THSD7B: variants seen among roughly 807,000 people sequenced by gnomAD.
THSD7B encodes the protein thrombospondin type 1 domain containing 7B, also known as thrombospondin type-1 domain-containing protein 7B.
Under a neutral mutation model 213.6 loss-of-function variants are expected in THSD7B, and 138 were observed. That is an observed-to-expected ratio of 0.65 (90% CI 0.56 to 0.74). THSD7B has a LOEUF of 0.74. Ranked by LOEUF, THSD7B falls within the 30% of genes least tolerant of loss-of-function variation. The pLI, the probability that THSD7B is intolerant of heterozygous loss-of-function variation, is 0.00. For missense variants in THSD7B, 1,931 were observed against 1,991.5 expected, an observed-to-expected ratio of 0.97 and a Z score of 0.58; for synonymous variants, 742 against 687.0, an observed-to-expected ratio of 1.08 and a Z score of -1.25.
intron 26 of THSD7B, among the ~76,000 whole-genome samples, chr2:137,663,782 C>CGTAA (rs539520229): frequency 1.4e-3 from 217 of 152,308 alleles, no homozygotes; most frequent in African/African-American, 5.1e-3. Context: ...AATGGTTGAA[C>CGTAA]GTAAGTCTCT....
chr2:137,551,234 CTCT>C (rs1558836066), intron 15 of THSD7B, among the ~76,000 whole-genome samples: 1 of 151,982 alleles, frequency 6.6e-6, no homozygotes, highest in Non-Finnish European at 1.5e-5. Flanking sequence ...TAAATTTCTT[CTCT>C]TCTTTATATG....
intron 1 of THSD7B, among the ~76,000 whole-genome samples, chr2:136,827,355 T>C (rs1361576916): frequency 6.6e-6 from 1 of 152,178 alleles, no homozygotes; most frequent in Admixed American, 6.5e-5. Flanking sequence ...TCCTGAGCTG[T>C]TAGGATATAC....
chr2:137,226,236 C>T (rs1681501221), intron 7 of THSD7B, among the ~76,000 whole-genome samples: 1 of 151,516 alleles, frequency 6.6e-6, no homozygotes, highest in South Asian at 2.1e-4. Flanking sequence ...AATAAAGTAC[C>T]CAGTATGCAT....
In THSD7B at chr2:137,160,271, C is replaced by T; in HGVS notation, c.1428C>T (p.Leu476=). 6.2e-7 allele frequency: 1 copy of T among 1,613,750 alleles called. No individual in the cohort carries two copies. The highest frequency in any genetic ancestry group is 8.5e-7 in the Non-Finnish European group (1 of 1,179,736). The part of the protein sequence containing the change: ...CVGPAPLPSQ[L]CNIPCSTDCI... ...GACCCGCCCCGTTGCCCTCTCAGCT[C>T]TGCAATATCCCTTGCTCTACGGACT... Residue 476 remains leucine (L), a synonymous_variant, in exon 6 of 28, where the codon CTC becomes CTT. Coordinates refer to ENST00000409968, the MANE Select transcript of THSD7B (RefSeq NM_001316349.2).
At chr2:137,401,826 A>AG (rs1320078622) in intron 12 of THSD7B, among the ~76,000 whole-genome samples, 1 of 152,128 alleles carries the variant, frequency 6.6e-6, no homozygotes, top group Non-Finnish European at 1.5e-5. Flanking sequence ...CAATTTATAA[A>AG]GAAAAACAAA....
At position 137,004,606 on chromosome 2, in the gene THSD7B, C is replaced by T. The variant is rs542917031; in HGVS notation, c.140-51814C>T. On this transcript the variant is annotated intron_variant, in intron 2 of 27. Transcript: ENST00000409968. ...AAATTATGGTCCTATACCAAACTTT[C>T]AAGAGATCTATTTTTAAACTCCCAA... Among the ~76,000 whole-genome samples, 23 of 152,258 alleles carry T rather than the reference C, an allele frequency of 1.5e-4. No homozygotes were observed. In the South Asian group the frequency reaches 2.5e-3, roughly 16 times the overall value.
In THSD7B at chr2:137,035,390, T is replaced by C. The variant is rs12474557; in HGVS notation, c.140-21030T>C. On this transcript the variant is annotated intron_variant, in intron 2 of 27. Coordinates refer to ENST00000409968, the MANE Select transcript of THSD7B (RefSeq NM_001316349.2). Reference sequence around the variant, plus strand: ...GTTTTGCTGCCTAGAATCTTAATTTTTTTTGCTAGTAGAAGATATTGTAGA... The same window carrying C: ...GTTTTGCTGCCTAGAATCTTAATTTCTTTTGCTAGTAGAAGATATTGTAGA... 8.0e-3 allele frequency among the ~76,000 whole-genome samples: 1,223 copies of C among 152,260 alleles called. 29 individuals carry two copies. The highest frequency in any genetic ancestry group is 0.068 in the East Asian group (350 of 5,178).
Position 137,015,562 on chromosome 2 carries a change from T to C in THSD7B, c.140-40858T>C, listed in dbSNP as rs1047296240. 7.9e-5 allele frequency among the ~76,000 whole-genome samples: 12 copies of C among 152,198 alleles called. 1 individual carries two copies. The highest frequency in any genetic ancestry group is 6.2e-4 in the South Asian group (3 of 4,828). ...TGGGCTGATTTCCCTGGACACATCA[T>C]ATTTCATATGAAATTCCATTTGAAT... On this transcript the variant is annotated intron_variant, in intron 2 of 27. Coordinates refer to ENST00000409968, the MANE Select transcript of THSD7B (RefSeq NM_001316349.2).
In THSD7B at chr2:136,989,130, A is replaced by G. The variant is rs117470040; in HGVS notation, c.140-67290A>G. 2.6e-3 allele frequency among the ~76,000 whole-genome samples: 401 copies of G among 152,342 alleles called. 5 individuals carry two copies. The highest frequency in any genetic ancestry group is 0.015 in the Admixed American group (233 of 15,300). ...AGACTGAAGTCCCACAGGGAAGTCA[A>G]CCTTGTGAGAATTTGTTAGATGGGT... On this transcript the variant is annotated intron_variant, in intron 2 of 27. Coordinates refer to ENST00000409968, the MANE Select transcript of THSD7B (RefSeq NM_001316349.2).
intron 20 of THSD7B, among the ~76,000 whole-genome samples, chr2:137,627,270 C>T (rs1682649769): frequency 6.6e-6 from 1 of 152,190 alleles, no homozygotes; most frequent in Non-Finnish European, 1.5e-5. Flanking sequence ...ACCCAAATAC[C>T]TCCCACTAGT....
chr2:137,643,729 G>A (rs997361158), intron 21 of THSD7B, among the ~76,000 whole-genome samples: 1 of 152,136 alleles, frequency 6.6e-6, no homozygotes, highest in Non-Finnish European at 1.5e-5. Flanking sequence ...AAAGAATTTA[G>A]AAAGCCATTT....
intron 2 of THSD7B, among the ~76,000 whole-genome samples, chr2:136,926,003 GA>G (rs1445133549): frequency 1.3e-5 from 2 of 152,124 alleles, no homozygotes; most frequent in Non-Finnish European, 2.9e-5. Flanking sequence ...ATGTTGGGCA[GA>G]ATATTGAAAG....
At chr2:137,369,150 C>CATAT (rs3048439) in intron 12 of THSD7B, among the ~76,000 whole-genome samples, 10 of 135,698 alleles carry the variant, frequency 7.4e-5, no homozygotes, top group Non-Finnish European at 1.2e-4. Flanking sequence ...CGGGGGGGAC[C>CATAT]ATATATATAT....
At chr2:137,188,194 G>A (rs1680586929) in intron 7 of THSD7B, among the ~76,000 whole-genome samples, 1 of 152,176 alleles carries the variant, frequency 6.6e-6, no homozygotes, top group South Asian at 2.1e-4. Context: ...ATTACACTGA[G>A]ATTCAAAGGA....
At chr2:136,894,134 A>G (rs2105004812) in intron 2 of THSD7B, among the ~76,000 whole-genome samples, 1 of 152,340 alleles carries the variant, frequency 6.6e-6, no homozygotes, top group South Asian at 2.1e-4. Flanking sequence ...TCACTACAAA[A>G]AGAATAAAAT....
At chr2:137,105,911 GA>G (rs1369199558) in intron 4 of THSD7B, among the ~76,000 whole-genome samples, 6 of 152,066 alleles carry the variant, frequency 3.9e-5, no homozygotes, top group African/African-American at 1.4e-4. Context: ...CAAACAAATG[GA>G]AAAACATTCC....
chr2:137,483,941 TA>T (rs780603977), intron 15 of THSD7B, among the ~76,000 whole-genome samples: 4 of 152,124 alleles, frequency 2.6e-5, no homozygotes, highest in Non-Finnish European at 5.9e-5. Flanking sequence ...CTAACATCAT[TA>T]GTGGACAGAG....
chr2:137,502,911 T>C (rs1679743154), intron 15 of THSD7B, among the ~76,000 whole-genome samples: 1 of 152,162 alleles, frequency 6.6e-6, no homozygotes, highest in African/African-American at 2.4e-5. Context: ...GTATGGAATA[T>C]AATATAAATG....
chr2:137,078,508 A>G (rs1340417384), intron 3 of THSD7B, among the ~76,000 whole-genome samples: 2 of 152,134 alleles, frequency 1.3e-5, no homozygotes, highest in African/African-American at 2.4e-5. Flanking sequence ...CTCCTCAGCT[A>G]TTATTTAAAA....
Sources: gnomAD v4.1 joint callset for allele counts (sites outside exome capture counted in the v4.1 genomes callset) on GRCh38, gnomAD v4.1.1 for gene constraint, MANE v1.5 for transcripts, NCBI Gene and HGNC (gene_info 2026-07-23, HGNC 2026-07-21) for gene names.